Variants in MYH10 observed in about 807,000 individuals in gnomAD.
MYH10 encodes myosin heavy chain 10.
MYH10 carries 55 observed loss-of-function variants against 257.8 expected under a neutral mutation model. The observed-to-expected ratio is 0.21, with a 90% confidence interval of 0.17 to 0.27. The LOEUF (loss-of-function observed/expected upper bound fraction) is 0.27. Ranked by LOEUF, MYH10 falls within the 10% of genes least tolerant of loss-of-function variation. The pLI is 1.00. For synonymous variants in MYH10, 854 were observed against 921.7 expected, an observed-to-expected ratio of 0.93 and a Z score of 1.33; for missense variants, 1,631 against 2,500.6, an observed-to-expected ratio of 0.65 and a Z score of 7.42.
At chr17:8,533,445 T>G (rs1213804644) in intron 16 of MYH10, among the ~76,000 whole-genome samples, 1 of 152,122 alleles carries the variant, frequency 6.6e-6, no homozygotes, top group Non-Finnish European at 1.5e-5. Context: ...CTGTACTTCT[T>G]CTCCTGCCAA....
Position 8,506,233 on chromosome 17 carries a change from G to T in MYH10, c.3386+85C>A. 7.2e-7 allele frequency: 1 copy of T among 1,395,132 alleles called. No individual in the cohort carries two copies. Among genetic ancestry groups the T allele is most frequent in the Non-Finnish European group, 9.5e-7 (1 of 1,054,932 alleles). The allele number at this position is 1,395,132 out of a possible 1,614,324, so 86.4% of individuals were successfully genotyped here. A position where few individuals can be genotyped will look rare whatever the true frequency, so the allele number is the denominator to read the frequency against. ...GCAAACCCCATCTCACTCTCCCAGGGTTTTTGAATGCTCCCGAACATAACA... is the reference window on the plus strand; with the variant it reads ...GCAAACCCCATCTCACTCTCCCAGGTTTTTTGAATGCTCCCGAACATAACA... On this transcript the variant is annotated intron_variant, in intron 27 of 42. Transcript: ENST00000360416. This position sits in a 1 kb window ranked among gnomAD's most constrained non-coding sequence, Gnocchi z 5.0.
chr17:8,610,443 AAAAT>A (rs1210220218), intron 2 of MYH10, among the ~76,000 whole-genome samples: 24 of 151,628 alleles, frequency 1.6e-4, no homozygotes, highest in African/African-American at 5.8e-4. Context: ...AAAAAAATAA[AAAAT>A]AAATAAAAAT....
At chr17:8,590,873 C>CTTTTTTTTT (rs398030291) in intron 3 of MYH10, among the ~76,000 whole-genome samples, 988 of 90,092 alleles carry the variant, frequency 0.011, 141 homozygotes, top group Non-Finnish European at 0.015. Flanking sequence ...TCAATGTCGC[C>CTTTTTTTTT]TTTTTTTTTT....
chr17:8,616,003 G>T (rs958795795), intron 2 of MYH10, among the ~76,000 whole-genome samples: 2 of 152,228 alleles, frequency 1.3e-5, no homozygotes, highest in Non-Finnish European at 2.9e-5. Context: ...GTGTCAACTG[G>T]CTGGGCATGG....
intron 4 of MYH10, among the ~76,000 whole-genome samples, chr17:8,585,954 A>G (rs1322311343): frequency 6.6e-6 from 1 of 152,250 alleles, no homozygotes; most frequent in African/African-American, 2.4e-5. Context: ...GAAGGGATTA[A>G]TAGCCCACTA....
intron 4 of MYH10, among the ~76,000 whole-genome samples, chr17:8,580,137 AG>A (rs1010945591): frequency 2.0e-5 from 3 of 152,058 alleles, no homozygotes; most frequent in Non-Finnish European, 4.4e-5. Context: ...AAAAAAAAAA[AG>A]TTATCTTTTT....
chr17:8,530,024 A>AT (rs1406595126), intron 17 of MYH10, among the ~76,000 whole-genome samples: 3 of 152,340 alleles, frequency 2.0e-5, no homozygotes, highest in African/African-American at 4.8e-5. Flanking sequence ...CAACTTGCAC[A>AT]TATCAGGCCT....
intron 17 of MYH10, among the ~76,000 whole-genome samples, chr17:8,525,229 T>C (rs753903095): frequency 6.6e-6 from 1 of 152,260 alleles, no homozygotes; most frequent in Non-Finnish European, 1.5e-5. Context: ...ACCCTTCTTA[T>C]GCTCGGTTTT....
intron 11 of MYH10, among the ~76,000 whole-genome samples, chr17:8,547,949 G>C (rs2082497931): frequency 6.6e-6 from 1 of 151,548 alleles, no homozygotes; most frequent in African/African-American, 2.4e-5. Context: ...TCTTTGAAAA[G>C]TCACTTATAT....
chr17:8,527,837 T>C (rs769044618), intron 17 of MYH10, among the ~76,000 whole-genome samples: 57 of 152,186 alleles, frequency 3.7e-4, no homozygotes, highest in Non-Finnish European at 6.5e-4. Context: ...TTTCCAACTA[T>C]TGCTAACACT....
chr17:8,526,558 A>C (rs942391280), intron 17 of MYH10, among the ~76,000 whole-genome samples: 1 of 152,234 alleles, frequency 6.6e-6, no homozygotes, highest in Non-Finnish European at 1.5e-5. Context: ...TTACTAATCT[A>C]TAACAATGTA....
intron 17 of MYH10, among the ~76,000 whole-genome samples, chr17:8,522,667 C>A (rs1015066121): frequency 6.6e-6 from 1 of 152,212 alleles, no homozygotes. Context: ...TATCTGCCCA[C>A]TTCTCTTGTC....
chr17:8,613,154 G>C (rs988583781), intron 2 of MYH10, among the ~76,000 whole-genome samples: 1 of 152,096 alleles, frequency 6.6e-6, no homozygotes, highest in African/African-American at 2.4e-5. Flanking sequence ...AACAGAAAAA[G>C]ACGAAAGGCA....
chr17:8,616,530 C>T (rs1347849130), intron 2 of MYH10, among the ~76,000 whole-genome samples: 1 of 151,426 alleles, frequency 6.6e-6, no homozygotes, highest in Non-Finnish European at 1.5e-5. Flanking sequence ...ATTTAAACAC[C>T]ATTTAAATAA....
chr17:8,626,368 C>T (rs1034109867), intron 1 of MYH10, among the ~76,000 whole-genome samples: 6 of 152,000 alleles, frequency 3.9e-5, no homozygotes, highest in African/African-American at 1.2e-4. Context: ...GTGTTCAAGA[C>T]CAGCCTGGGC....
chr17:8,615,197 T>C (rs1356865983), intron 2 of MYH10, among the ~76,000 whole-genome samples: 1 of 151,910 alleles, frequency 6.6e-6, no homozygotes, highest in Non-Finnish European at 1.5e-5. Flanking sequence ...GAAGATCACA[T>C]GAGCCCAGGA....
At chr17:8,517,840 A>G (rs147478792) in intron 21 of MYH10, among the ~76,000 whole-genome samples, 1 of 152,272 alleles carries the variant, frequency 6.6e-6, no homozygotes, top group Non-Finnish European at 1.5e-5. Flanking sequence ...TGCTCCAGCC[A>G]CACTGGACTG....
rs937274982 is a variant in MYH10 at position 8,589,072 on chromosome 17, T to A, written c.530+9A>T. On this transcript the variant is annotated intron_variant, in intron 4 of 42. Coordinates refer to ENST00000360416, the MANE Select transcript of MYH10 (RefSeq NM_001256012.3). Reference sequence around the variant, plus strand: ...CAAAAACAAATCTGAACATTCAACATTTACTTACGTGCAAAGAATTGACTG... The same window carrying A: ...CAAAAACAAATCTGAACATTCAACAATTACTTACGTGCAAAGAATTGACTG... The A allele has an allele frequency of 1.2e-6, 2 of 1,613,150 alleles. No individual in the cohort carries two copies. Among genetic ancestry groups the A allele is most frequent in the Non-Finnish European group, 1.7e-6 (2 of 1,179,600 alleles).
In MYH10 at chr17:8,474,448, T is replaced by C. The variant is rs1380035579; in HGVS notation, c.*1356A>G. 5 of 152,574 alleles carry C rather than the reference T, an allele frequency of 3.3e-5. No homozygotes were observed. Among genetic ancestry groups the C allele is most frequent in the Non-Finnish European group, 5.9e-5 (4 of 68,030 alleles). The allele number at this position is 152,574 out of a possible 1,614,324, so 9.5% of individuals were successfully genotyped here. ...AAGATTCCAAACCCACAGGACAAAT[T>C]CTTCCTAATAGATGTTAAAGCTTTT... On this transcript the variant is annotated 3_prime_UTR_variant, in exon 43 of 43. Transcript: ENST00000360416.
Sources: allele counts gnomAD v4.1 joint callset (sites outside exome capture counted in the v4.1 genomes callset), GRCh38; gene constraint gnomAD v4.1.1; non-coding constraint Gnocchi (gnomAD v3.1); transcripts MANE v1.5; gene names NCBI Gene and HGNC (gene_info 2026-07-23, HGNC 2026-07-21).